MEOX2: variants seen among roughly 807,000 people sequenced by gnomAD.
MEOX2 encodes the protein mesenchyme homeobox 2, also known as homeobox protein MOX-2.
In MEOX2, 11 loss-of-function variants were observed where a neutral mutation model predicts 27.0. That is an observed-to-expected ratio of 0.41 (90% CI 0.26 to 0.68). The LOEUF (loss-of-function observed/expected upper bound fraction) is 0.68, where lower values mean the gene tolerates loss of function less well. MEOX2 is among the 30% of genes least tolerant of loss of function. MEOX2 has a pLI of 0.33. For missense variants in MEOX2, 436 were observed against 385.4 expected (o/e 1.13, Z -1.10); for synonymous variants, 189 against 155.4 (o/e 1.22, Z -1.61).
At chr7:15,633,535 A>G (rs1035692826) in intron 1 of MEOX2, among the ~76,000 whole-genome samples, 3 of 151,908 alleles carry the variant, frequency 2.0e-5, no homozygotes, top group African/African-American at 7.2e-5. Context: ...ATTCAGCACC[A>G]ATTCTGCCGG....
intron 1 of MEOX2, among the ~76,000 whole-genome samples, chr7:15,683,941 T>C (rs747669053): frequency 4.6e-5 from 7 of 152,186 alleles, no homozygotes; most frequent in Non-Finnish European, 8.8e-5. Context: ...AGAAATGAAT[T>C]TAATTTTGTT....
intron 1 of MEOX2, among the ~76,000 whole-genome samples, chr7:15,663,609 G>T (rs191267005): frequency 6.6e-6 from 1 of 152,088 alleles, no homozygotes; most frequent in African/African-American, 2.4e-5. Flanking sequence ...AAAGTGCTGG[G>T]ATTACAGGCG....
chr7:15,614,971 G>A (rs1050956026), intron 2 of MEOX2, among the ~76,000 whole-genome samples: 2 of 151,956 alleles, frequency 1.3e-5, no homozygotes, highest in African/African-American at 4.8e-5. Context: ...GTCTCACTTA[G>A]AGCCATAGTT....
intron 1 of MEOX2, among the ~76,000 whole-genome samples, chr7:15,667,105 C>CA (rs940663312): frequency 4.0e-5 from 6 of 150,896 alleles, no homozygotes; most frequent in African/African-American, 1.5e-4. Flanking sequence ...TCCTGGCCAA[C>CA]AGGGTGAAAC....
chr7:15,612,641 G>GA (rs1781050900), intron 2 of MEOX2, 30 bp from the exon 3 acceptor site: 2 of 1,576,664 alleles, frequency 1.3e-6, no homozygotes, highest in East Asian at 2.2e-5. Context: ...CAAACAAACA[G>GA]AAAAAAAGAG....
At chr7:15,637,126 A>G (rs1481560136) in intron 1 of MEOX2, among the ~76,000 whole-genome samples, 1 of 152,048 alleles carries the variant, frequency 6.6e-6, no homozygotes, top group African/African-American at 2.4e-5. Flanking sequence ...GAAGTCTGAA[A>G]TGTTTTTTAA....
At chr7:15,624,275 T>A (rs922396664) in intron 2 of MEOX2, among the ~76,000 whole-genome samples, 1 of 152,244 alleles carries the variant, frequency 6.6e-6, no homozygotes, top group Non-Finnish European at 1.5e-5. Context: ...CTTGCAAAAC[T>A]GCACGTAGAG....
chr7:15,679,054 T>C (rs1452426160), intron 1 of MEOX2: 1 of 152,168 alleles, frequency 6.6e-6, no homozygotes, highest in Non-Finnish European at 1.5e-5. Context: ...CAAAACTATA[T>C]ATGCTTCAAG....
intron 2 of MEOX2, among the ~76,000 whole-genome samples, chr7:15,625,436 C>G (rs1781288387): frequency 6.6e-6 from 1 of 152,198 alleles, no homozygotes; most frequent in South Asian, 2.1e-4. Context: ...AATAAAACCA[C>G]AGAAAAGTGT....
At chr7:15,657,204 G>C (rs984708460) in intron 1 of MEOX2, among the ~76,000 whole-genome samples, 1 of 152,062 alleles carries the variant, frequency 6.6e-6, no homozygotes, top group Non-Finnish European at 1.5e-5. Context: ...GATTCTCGCA[G>C]CTGCTTGTTT....
chr7:15,640,483 A>G (rs549209831), intron 1 of MEOX2, among the ~76,000 whole-genome samples: 2 of 152,192 alleles, frequency 1.3e-5, no homozygotes, highest in East Asian at 3.9e-4. Flanking sequence ...ACAGAGGTAA[A>G]TTGACTTCCT....
chr7:15,672,518 G>A (rs1247671395), intron 1 of MEOX2, among the ~76,000 whole-genome samples: 1 of 152,118 alleles, frequency 6.6e-6, no homozygotes, highest in East Asian at 1.9e-4. Context: ...TTTTAAAAAT[G>A]CATACTTATT....
At chr7:15,644,091 G>A (rs1265558960) in intron 1 of MEOX2, among the ~76,000 whole-genome samples, 1 of 152,306 alleles carries the variant, frequency 6.6e-6, no homozygotes, top group African/African-American at 2.4e-5. Flanking sequence ...GTGCATGAGA[G>A]TGTCTGGGCT....
chr7:15,660,771 C>T (rs188157517), intron 1 of MEOX2, among the ~76,000 whole-genome samples: 1 of 151,960 alleles, frequency 6.6e-6, no homozygotes, highest in Non-Finnish European at 1.5e-5. Flanking sequence ...CCTCTAATCC[C>T]AACACTTTGG....
intron 2 of MEOX2, among the ~76,000 whole-genome samples, chr7:15,616,373 T>A (rs913820569): frequency 5.9e-5 from 9 of 151,714 alleles, no homozygotes; most frequent in Non-Finnish European, 1.2e-4. Context: ...AATATTGGAG[T>A]GAATTAAAAT....
rs111673227 is a variant in MEOX2, at chr7:15,656,934, T to C, written c.517+28952A>G. ...ACTTGAGAATGTCATGATCTCCCTG[T>C]CATTCCTGAGAATATTTTTTCTGAG... On this transcript the variant is annotated intron_variant, in intron 1 of 2. Transcript: ENST00000262041. Among the ~76,000 whole-genome samples the C allele has an allele frequency of 2.1e-3, 322 of 152,202 alleles. 1 individual carries two copies. Among genetic ancestry groups the C allele is most frequent in the Non-Finnish European group, 2.9e-3 (195 of 67,966 alleles).
At chr7:15,616,840 A>G (rs1446758221) in intron 2 of MEOX2, among the ~76,000 whole-genome samples, 1 of 151,958 alleles carries the variant, frequency 6.6e-6, no homozygotes, top group Non-Finnish European at 1.5e-5. Flanking sequence ...ACTGTGTTAG[A>G]TCAAAGATGG....
At chr7:15,617,008 G>A (rs182373661) in intron 2 of MEOX2, among the ~76,000 whole-genome samples, 28 of 152,080 alleles carry the variant, frequency 1.8e-4, no homozygotes, top group African/African-American at 5.3e-4. Flanking sequence ...TATATTACCA[G>A]ACAAAAGAAG....
chr7:15,666,507 A>G (rs1398450134), intron 1 of MEOX2, among the ~76,000 whole-genome samples: 1 of 151,942 alleles, frequency 6.6e-6, no homozygotes, highest in East Asian at 1.9e-4. Context: ...TAATCCCAGC[A>G]CTTTGGGAGG....
Sources: gnomAD v4.1 joint callset for allele counts (sites outside exome capture counted in the v4.1 genomes callset) on GRCh38, gnomAD v4.1.1 for gene constraint, MANE v1.5 for transcripts, NCBI Gene and HGNC (gene_info 2026-07-23, HGNC 2026-07-21) for gene names.